MAPKAP1: variants seen among roughly 807,000 people sequenced by gnomAD.
MAPKAP1 encodes the protein MAPK associated protein 1.
MAPKAP1 carries 20 observed loss-of-function variants against 65.7 expected under a neutral mutation model. The observed-to-expected ratio is 0.30, with a 90% CI of 0.21 to 0.44. The LOEUF (loss-of-function observed/expected upper bound fraction) is 0.44. Among genes scored for constraint, MAPKAP1 ranks in the 20% least tolerant of loss-of-function variants. The pLI is 1.00. For synonymous variants in MAPKAP1, 222 were observed against 244.3 expected (o/e 0.91, Z 0.85); for missense variants, 423 against 648.0 (o/e 0.65, Z 3.77).
chr9:125,617,878 A>G (rs1462706576), intron 4 of MAPKAP1, among the ~76,000 whole-genome samples: 1 of 152,228 alleles, frequency 6.6e-6, no homozygotes, highest in Admixed American at 6.5e-5. Flanking sequence ...CTTCCTCCCA[A>G]AACGGGTGAT....
chr9:125,575,621 T>G (rs1039508422), intron 5 of MAPKAP1, among the ~76,000 whole-genome samples: 9 of 152,240 alleles, frequency 5.9e-5, no homozygotes, highest in African/African-American at 1.7e-4. Flanking sequence ...CAACATGATG[T>G]AATTAGGGAA....
chr9:125,506,149 C>A, intron 8 of MAPKAP1, 161 bp downstream of exon 8: 1 of 664,374 alleles, frequency 1.5e-6, no homozygotes, highest in Admixed American at 2.1e-5. Flanking sequence ...TCAATCATTT[C>A]ACTTTGGGAT....
chr9:125,548,447 C>T (rs577513245), intron 6 of MAPKAP1, among the ~76,000 whole-genome samples: 1 of 152,134 alleles, frequency 6.6e-6, no homozygotes, highest in Non-Finnish European at 1.5e-5. Context: ...CTAGGAGAGA[C>T]GGTGGCAGCA....
At chr9:125,631,562 C>A (rs1382500485) in intron 4 of MAPKAP1, among the ~76,000 whole-genome samples, 1 of 152,152 alleles carries the variant, frequency 6.6e-6, no homozygotes, top group Admixed American at 6.5e-5. Context: ...ACTTACTATA[C>A]CTCACCACAC....
At chr9:125,618,397 A>T (rs1832805289) in intron 4 of MAPKAP1, among the ~76,000 whole-genome samples, 1 of 150,246 alleles carries the variant, frequency 6.7e-6, no homozygotes, top group African/African-American at 2.4e-5. Context: ...GTTAAAGACA[A>T]CCCATTACCC....
intron 4 of MAPKAP1, among the ~76,000 whole-genome samples, chr9:125,623,259 C>T (rs1408122225): frequency 8.9e-5 from 10 of 112,906 alleles, no homozygotes; most frequent in African/African-American, 2.9e-4. Flanking sequence ...GGCCGCCCAT[C>T]GTCTGGGATG....
At chr9:125,579,461 T>A (rs528673829) in intron 5 of MAPKAP1, among the ~76,000 whole-genome samples, 2 of 152,252 alleles carry the variant, frequency 1.3e-5, no homozygotes, top group East Asian at 3.9e-4. Context: ...CCGGCTAATT[T>A]TTTGTATATT....
At position 125,439,477 on chromosome 9, in the gene MAPKAP1, G is replaced by A. The variant is rs1200487737; in HGVS notation, c.1444-465C>T. On this transcript the variant is annotated intron_variant, in intron 11 of 11. Transcript: ENST00000265960. The surrounding 1 kb of genome is among the most constrained non-coding windows in gnomAD (Gnocchi z 4.0). The stretch of plus-strand genomic sequence containing the variant: ...CCATCCAGCCTCCCACCAGCCAGGC[G>A]CAGAGCTTCCCACCACAGTGCTTCC... Among the ~76,000 whole-genome samples the A allele has an allele frequency of 6.6e-6, 1 of 152,230 alleles. No individual in the cohort carries two copies.
At chr9:125,701,567 A>G (rs1448692333) in intron 1 of MAPKAP1, among the ~76,000 whole-genome samples, 1 of 152,168 alleles carries the variant, frequency 6.6e-6, no homozygotes, top group African/African-American at 2.4e-5. Flanking sequence ...CTCTCTAGTC[A>G]ACTGCTCTTT....
intron 8 of MAPKAP1, among the ~76,000 whole-genome samples, chr9:125,494,886 C>T (rs1357848160): frequency 1.3e-5 from 2 of 152,174 alleles, no homozygotes; most frequent in Non-Finnish European, 2.9e-5. Context: ...TGCTCTATAA[C>T]GTGGGGCTAA....
chr9:125,701,927 A>G (rs1835611236), intron 1 of MAPKAP1, among the ~76,000 whole-genome samples: 2 of 152,228 alleles, frequency 1.3e-5, no homozygotes, highest in Admixed American at 1.3e-4. Flanking sequence ...ATTTACCATG[A>G]GATTTCTAAT....
At chr9:125,484,720 T>C in intron 8 of MAPKAP1, 137 bp from the exon 9 acceptor site, 2 of 770,408 alleles carry the variant, frequency 2.6e-6, no homozygotes, top group Non-Finnish European at 4.0e-6. Flanking sequence ...GATGACTTAA[T>C]AATGCCATTC....
intron 10 of MAPKAP1, among the ~76,000 whole-genome samples, chr9:125,459,650 G>A (rs907747295): frequency 8.6e-5 from 13 of 151,986 alleles, no homozygotes; most frequent in Non-Finnish European, 1.5e-4. Flanking sequence ...CCGTCTCCAC[G>A]AAAAAAATAC....
intron 7 of MAPKAP1, among the ~76,000 whole-genome samples, chr9:125,514,809 A>G (rs936056379): frequency 6.6e-6 from 1 of 152,166 alleles, no homozygotes; most frequent in African/African-American, 2.4e-5. Flanking sequence ...TTCCAGGAGG[A>G]TCGTGCCAAG....
At chr9:125,534,820 C>T (rs1410573327) in intron 7 of MAPKAP1, among the ~76,000 whole-genome samples, 1 of 152,158 alleles carries the variant, frequency 6.6e-6, no homozygotes, top group Non-Finnish European at 1.5e-5. Flanking sequence ...TTCTATTCAT[C>T]TTCAGATTTC....
intron 5 of MAPKAP1, among the ~76,000 whole-genome samples, chr9:125,560,174 C>T (rs1290894007): frequency 6.6e-6 from 1 of 151,924 alleles, no homozygotes; most frequent in African/African-American, 2.4e-5. Context: ...ACACTAGCTA[C>T]AATACAAATG....
chr9:125,656,488 T>C (rs516406), intron 4 of MAPKAP1, among the ~76,000 whole-genome samples: 136,523 of 152,196 alleles, frequency 0.9, 62,028 homozygotes, highest in East Asian at 1. Context: ...CTCTTATCCC[T>C]CAGAAACATC....
chr9:125,700,316 A>G (rs903463075), intron 1 of MAPKAP1, among the ~76,000 whole-genome samples: 16 of 152,340 alleles, frequency 1.1e-4, no homozygotes, highest in African/African-American at 3.6e-4. Context: ...ATGAGTCCAT[A>G]AGGAACTGGA....
rs1037293119 is a variant in MAPKAP1 at position 125,563,491 on chromosome 9, C to T, written c.672-3682G>A. On this transcript the variant is annotated intron_variant, in intron 5 of 11. Transcript: ENST00000265960. ...CAAGCAATTCTCCTTTGTGGTCTTA[C>T]AAAATTTGGTCAATATTTCTGTATA... 5.3e-5 allele frequency among the ~76,000 whole-genome samples: 8 copies of T among 152,292 alleles called. 1 individual carries two copies. The highest frequency in any genetic ancestry group is 6.5e-5 in the Admixed American group (1 of 15,308).
Sources: allele counts gnomAD v4.1 joint callset (sites outside exome capture counted in the v4.1 genomes callset), GRCh38; gene constraint gnomAD v4.1.1; non-coding constraint Gnocchi (gnomAD v3.1); transcripts MANE v1.5; gene names NCBI Gene and HGNC (gene_info 2026-07-23, HGNC 2026-07-21).